ZNF536: variants seen among roughly 807,000 people sequenced by gnomAD.
ZNF536 encodes the protein zinc finger protein 536.
Under a neutral mutation model 84.5 loss-of-function variants are expected in ZNF536, and 13 were observed. The observed-to-expected ratio is 0.15, with a 90% CI of 0.10 to 0.24. ZNF536 has a LOEUF of 0.24. Among genes scored for constraint, ZNF536 ranks in the 10% least tolerant of loss-of-function variants. The pLI, the probability that ZNF536 is intolerant of heterozygous loss-of-function variation, is 1.00. For missense variants in ZNF536, 1,536 were observed against 1,747.5 expected, an observed-to-expected ratio of 0.88 and a Z score of 2.16; for synonymous variants, 811 against 742.5, an observed-to-expected ratio of 1.09 and a Z score of -1.50.
chr19:30,464,308 A>G (rs1327894046), intron 2 of ZNF536, among the ~76,000 whole-genome samples: 1 of 152,146 alleles, frequency 6.6e-6, no homozygotes, highest in Non-Finnish European at 1.5e-5. Context: ...AGGCACCCAC[A>G]CATTCTGCAG....
intron 1 of ZNF536, among the ~76,000 whole-genome samples, chr19:30,660,468 G>A (rs1307601340): frequency 2.0e-5 from 3 of 152,104 alleles, no homozygotes; most frequent in African/African-American, 2.4e-5. Flanking sequence ...TTTCATTTCC[G>A]GGGACTCTGC....
intron 1 of ZNF536, among the ~76,000 whole-genome samples, chr19:30,233,861 C>T (rs1026749930): frequency 3.3e-5 from 5 of 152,178 alleles, no homozygotes; most frequent in East Asian, 1.9e-4. Context: ...CCGTGACCCA[C>T]GTTCAGCTGC....
In ZNF536 at chr19:30,522,240, T is replaced by C. The variant is rs1350453321; in HGVS notation, c.2171-12607T>C. 8.1e-5 allele frequency among the ~76,000 whole-genome samples: 11 copies of C among 135,410 alleles called. 1 individual carries two copies. In the Admixed American group the frequency reaches 8.2e-4, roughly 10 times the overall value. The allele number at this position is 135,410 out of a possible 152,430, so 88.8% of individuals were successfully genotyped here. On this transcript the variant is annotated intron_variant, in intron 2 of 4. Transcript: ENST00000355537. ...GAAAGATCCATGTGCCTGTGCCTGA[T>C]TGGCAGAGCTGGATATATATACATA...
chr19:30,351,134 A>G (rs2047918286), intron 2 of ZNF536, among the ~76,000 whole-genome samples: 1 of 152,218 alleles, frequency 6.6e-6, no homozygotes, highest in African/African-American at 2.4e-5. Context: ...TTCTGCCAAG[A>G]AAAAGAATAA....
chr19:30,326,783 A>G (rs896040210), intron 2 of ZNF536, among the ~76,000 whole-genome samples: 1 of 81,714 alleles, frequency 1.2e-5, no homozygotes, highest in Non-Finnish European at 2.8e-5. Flanking sequence ...GATTTTTTTT[A>G]TAAAAAGCTT....
chr19:30,334,546 ATT>A lies in ZNF536; in HGVS notation c.-119-17819_-119-17818del, dbSNP rs1568339408. ...TCTCCACCCATCGCTGGGAGCCCAC[ATT>A]TTCCCTCCATGACACAATTTGAAGA... On this transcript the variant is annotated intron_variant, in intron 2 of 5. Coordinates refer to the ZNF536 transcript ENST00000585628. 3.9e-5 allele frequency among the ~76,000 whole-genome samples: 6 copies of A among 152,190 alleles called. No homozygotes were observed. The South Asian group carries it at 1.2e-3, about 32-fold the overall frequency.
At chr19:30,446,248 CAAAAAA>C (rs1177505634) in intron 2 of ZNF536, among the ~76,000 whole-genome samples, 12 of 29,178 alleles carry the variant, frequency 4.1e-4, no homozygotes, top group Admixed American at 5.9e-4. Flanking sequence ...GACACTGTCT[CAAAAAA>C]AAAAAAAAAA....
intron 2 of ZNF536, among the ~76,000 whole-genome samples, chr19:30,291,115 T>G (rs539084334): frequency 6.6e-6 from 1 of 152,352 alleles, no homozygotes; most frequent in Non-Finnish European, 1.5e-5. Context: ...TGGTTCCAAG[T>G]CTTTACTTTG....
chr19:30,489,731 A>G (rs1259990493), intron 2 of ZNF536, among the ~76,000 whole-genome samples: 5 of 152,244 alleles, frequency 3.3e-5, no homozygotes, highest in Non-Finnish European at 5.9e-5. Flanking sequence ...ATTAGAAAGA[A>G]GTCTATAAAA....
chr19:30,673,973 G>A (rs1227110962), intron 1 of ZNF536, among the ~76,000 whole-genome samples: 1 of 152,082 alleles, frequency 6.6e-6, no homozygotes, highest in Non-Finnish European at 1.5e-5. Flanking sequence ...TCCGCACTTG[G>A]GTTCCATCAG....
chr19:30,294,098 T>C (rs958758866), intron 2 of ZNF536, among the ~76,000 whole-genome samples: 3 of 152,180 alleles, frequency 2.0e-5, no homozygotes, highest in Admixed American at 2.0e-4. Flanking sequence ...TCCCTGTCTT[T>C]CACTATCTCT....
In ZNF536 at chr19:30,548,848, G is replaced by A. The variant is rs2146222021; in HGVS notation, c.3229G>A (p.Glu1077Lys). ...GATCAGCTCTCTAGACTCTGCTTCT[G>A]AGAAGATGGCCCAAGGTCAGCTCAA... ...NMISSLDSAS[E>K]KMAQGQLKET... The change falls in exon 4 of 5, where the codon GAG becomes AAG. Residue 1077 changes from glutamate to lysine, a missense_variant. Coordinates refer to ENST00000355537, the MANE Select transcript of ZNF536 (RefSeq NM_014717.3). 6.2e-7 allele frequency: 1 copy of A among 1,614,140 alleles called. No individual in the cohort carries two copies. The highest frequency in any genetic ancestry group is 8.5e-7 in the Non-Finnish European group (1 of 1,180,032).
intron 2 of ZNF536, among the ~76,000 whole-genome samples, chr19:30,461,531 C>A (rs190771791): frequency 6.6e-6 from 1 of 152,258 alleles, no homozygotes; most frequent in Admixed American, 6.5e-5. Flanking sequence ...CACACTTAGG[C>A]TTGAGGTGAC....
chr19:30,709,553 C>G (rs1370387291), intron 1 of ZNF536, among the ~76,000 whole-genome samples: 5 of 152,228 alleles, frequency 3.3e-5, no homozygotes, highest in African/African-American at 1.2e-4. Context: ...GATTTATGGT[C>G]TTTGTGCAGA....
intron 1 of ZNF536, among the ~76,000 whole-genome samples, chr19:30,267,095 A>C (rs902406312): frequency 1.3e-5 from 2 of 152,230 alleles, no homozygotes; most frequent in African/African-American, 2.4e-5. Flanking sequence ...TAATGAACAG[A>C]GATAGAAAAT....
At chr19:30,298,437 C>G (rs968665805) in intron 2 of ZNF536, among the ~76,000 whole-genome samples, 1 of 152,216 alleles carries the variant, frequency 6.6e-6, no homozygotes, top group Non-Finnish European at 1.5e-5. Context: ...CAACCAAGAA[C>G]AGGTCTCTTG....
At chr19:30,490,914 G>T (rs2054483205) in intron 2 of ZNF536, among the ~76,000 whole-genome samples, 1 of 152,192 alleles carries the variant, frequency 6.6e-6, no homozygotes, top group East Asian at 1.9e-4. Flanking sequence ...CTGGCTGCTT[G>T]TTGGAGAAAG....
rs1209468693 is a variant in ZNF536 at position 30,357,164 on chromosome 19, A to C, written c.-3+4680A>C. 3.3e-5 allele frequency among the ~76,000 whole-genome samples: 5 copies of C among 152,228 alleles called. No individual in the cohort carries two copies. In the East Asian group the frequency reaches 9.6e-4, roughly 29 times the overall value. On this transcript the variant is annotated intron_variant, in intron 3 of 5. Transcript: ENST00000585628. The stretch of plus-strand genomic sequence containing the variant: ...AGCAGGAGAATGGGTGGGGAAGGAC[A>C]GGGGTAGTATCTGTACTTGAGAGAG...
In ZNF536 at chr19:30,445,406, C is replaced by G. The variant is rs1803741411; in HGVS notation, c.1844C>G (p.Thr615Ser). 9 of 1,614,172 alleles carry G rather than the reference C, an allele frequency of 5.6e-6. No individual in the cohort carries two copies. The highest frequency in any genetic ancestry group is 7.6e-6 in the Non-Finnish European group (9 of 1,180,036). ...TTTTTGTCACACGGGCTGAACCAGA[C>G]TCTCGAGTATAACCTGCAGGGTCCT... Reference protein sequence around the residue: ...RDFLSHGLNQTLEYNLQGPGN... With the variant: ...RDFLSHGLNQSLEYNLQGPGN... The change falls in exon 2 of 5, where the codon ACT becomes AGT. Residue 615 changes from threonine (T) to serine (S), a missense_variant. Coordinates refer to ENST00000355537, the MANE Select transcript of ZNF536 (RefSeq NM_014717.3). The surrounding 1 kb of genome is among the most constrained non-coding windows in gnomAD (Gnocchi z 4.5).
Sources: allele counts gnomAD v4.1 joint callset (sites outside exome capture counted in the v4.1 genomes callset), GRCh38; gene constraint gnomAD v4.1.1; non-coding constraint Gnocchi (gnomAD v3.1); transcripts MANE v1.5; gene names NCBI Gene and HGNC (gene_info 2026-07-23, HGNC 2026-07-21).